Variants in HS3ST5 observed in about 807,000 individuals in gnomAD.
HS3ST5 encodes heparan sulfate glucosamine 3-O-sulfotransferase 5.
Under a neutral mutation model 25.4 loss-of-function variants are expected in HS3ST5, and 10 were observed. The ratio of observed to expected loss-of-function variants is 0.39; its 90% CI spans 0.24 to 0.67. The LOEUF (loss-of-function observed/expected upper bound fraction) is 0.67, where lower values mean the gene tolerates loss of function less well. Ranked by LOEUF, HS3ST5 falls within the 30% of genes least tolerant of loss-of-function variation. HS3ST5 has a pLI of 0.44. For synonymous variants in HS3ST5, 170 were observed against 162.4 expected (o/e 1.05, Z -0.36); for missense variants, 324 against 420.7 (o/e 0.77, Z 2.01).
chr6:114,169,514 A>G (rs143848991), intron 2 of HS3ST5, among the ~76,000 whole-genome samples: 19 of 152,238 alleles, frequency 1.2e-4, no homozygotes, highest in African/African-American at 4.6e-4. Context: ...GAGAGAGTAG[A>G]AAAAAACACA....
At chr6:114,125,976 A>G (rs1382199968) in intron 3 of HS3ST5, among the ~76,000 whole-genome samples, 1 of 152,190 alleles carries the variant, frequency 6.6e-6, no homozygotes, top group Non-Finnish European at 1.5e-5. Context: ...AAAAATACCT[A>G]TAGGAGGCCA....
At chr6:114,286,284 C>T (rs1774336802) in intron 1 of HS3ST5, among the ~76,000 whole-genome samples, 1 of 151,856 alleles carries the variant, frequency 6.6e-6, no homozygotes, top group South Asian at 2.1e-4. Context: ...TTCATATACT[C>T]TGGAATGGTG....
chr6:114,303,447 T>C (rs1478119677), intron 1 of HS3ST5, among the ~76,000 whole-genome samples: 1 of 136,692 alleles, frequency 7.3e-6, no homozygotes, highest in Non-Finnish European at 1.6e-5. Context: ...GCAAAATATA[T>C]CATACTGTGT....
At chr6:114,157,076 C>T (rs1778735105) in intron 3 of HS3ST5, among the ~76,000 whole-genome samples, 1 of 152,142 alleles carries the variant, frequency 6.6e-6, no homozygotes, top group African/African-American at 2.4e-5. Context: ...AATGCACTGT[C>T]TTCCACCCCT....
intron 3 of HS3ST5, among the ~76,000 whole-genome samples, chr6:114,137,817 G>A (rs1215060011): frequency 4.6e-5 from 7 of 152,042 alleles, no homozygotes; most frequent in Non-Finnish European, 8.8e-5. Flanking sequence ...GTCTCCTCTG[G>A]CATCCAACGC....
At chr6:114,134,172 C>G (rs1777482229) in intron 3 of HS3ST5, among the ~76,000 whole-genome samples, 2 of 152,188 alleles carry the variant, frequency 1.3e-5, no homozygotes. Flanking sequence ...ACACACAACA[C>G]TGACAGCAAA....
chr6:114,057,140 C>T lies in HS3ST5; in HGVS notation c.*117G>A, dbSNP rs1772815309. The T allele has an allele frequency of 6.6e-6, 5 of 758,940 alleles. No homozygotes were observed. The highest frequency in any genetic ancestry group is 1.1e-5 in the Non-Finnish European group (5 of 461,010). 47.0% of individuals were successfully genotyped at this position (758,940 alleles called of 1,614,324 possible). On this transcript the variant is annotated 3_prime_UTR_variant, in exon 5 of 5. Coordinates refer to ENST00000312719, the MANE Select transcript of HS3ST5 (RefSeq NM_153612.4). ...TATTTGGTCACACACTGCGTATGTA[C>T]AAATATACATGGAAAAATGACTTGG...
chr6:114,112,643 A>T (rs1246769462), intron 3 of HS3ST5, among the ~76,000 whole-genome samples: 1 of 152,140 alleles, frequency 6.6e-6, no homozygotes, highest in Non-Finnish European at 1.5e-5. Flanking sequence ...ATGCTAGTTG[A>T]CCTCACTTTA....
intron 1 of HS3ST5, among the ~76,000 whole-genome samples, chr6:114,319,291 T>G (rs1775871228): frequency 6.6e-6 from 1 of 152,156 alleles, no homozygotes; most frequent in Non-Finnish European, 1.5e-5. Flanking sequence ...ACTCCCCTCT[T>G]TTGGATTCAA....
At chr6:114,303,455 T>A (rs897593753) in intron 1 of HS3ST5, among the ~76,000 whole-genome samples, 1 of 125,638 alleles carries the variant, frequency 8.0e-6, no homozygotes, top group African/African-American at 3.3e-5. Flanking sequence ...TATCATACTG[T>A]GTTTGCATTT....
chr6:114,146,781 C>T (rs1427671988), intron 3 of HS3ST5, among the ~76,000 whole-genome samples: 1 of 152,156 alleles, frequency 6.6e-6, no homozygotes, highest in East Asian at 1.9e-4. Context: ...GGCACCTTCC[C>T]CCATTCCCTC....
intron 1 of HS3ST5, among the ~76,000 whole-genome samples, chr6:114,331,950 C>T (rs1426988546): frequency 2.6e-5 from 4 of 151,796 alleles, no homozygotes; most frequent in African/African-American, 9.7e-5. Context: ...AAGTCCTCTG[C>T]TTTGTAGAGA....
At chr6:114,123,041 C>T (rs545289673) in intron 3 of HS3ST5, among the ~76,000 whole-genome samples, 1 of 152,200 alleles carries the variant, frequency 6.6e-6, no homozygotes. Context: ...CAAACTCCAC[C>T]TCCTGGGTTC....
intron 2 of HS3ST5, among the ~76,000 whole-genome samples, chr6:114,219,790 A>C (rs1781943336): frequency 6.6e-6 from 1 of 152,176 alleles, no homozygotes. Context: ...AGAAGACTTT[A>C]ATTGAATGGT....
intron 3 of HS3ST5, among the ~76,000 whole-genome samples, chr6:114,130,050 G>A (rs139429517): frequency 6.6e-6 from 1 of 152,038 alleles, no homozygotes; most frequent in Admixed American, 6.5e-5. Flanking sequence ...ACAAACAAAG[G>A]TTCCATCTCA....
intron 3 of HS3ST5, among the ~76,000 whole-genome samples, chr6:114,093,960 T>G (rs1328018430): frequency 1.3e-5 from 2 of 152,152 alleles, no homozygotes; most frequent in Non-Finnish European, 2.9e-5. Flanking sequence ...TCAAAGCTGT[T>G]TATATATAAT....
intron 3 of HS3ST5, among the ~76,000 whole-genome samples, chr6:114,091,434 T>C (rs1775109377): frequency 6.6e-6 from 1 of 151,806 alleles, no homozygotes; most frequent in African/African-American, 2.4e-5. Context: ...TCCCAGCACT[T>C]TGGGAAGCCG....
chr6:114,311,539 CTT>C (rs11463610), intron 1 of HS3ST5, among the ~76,000 whole-genome samples: 1,108 of 84,848 alleles, frequency 0.013, 4 homozygotes, highest in African/African-American at 0.032. Context: ...TTCTCTCTCT[CTT>C]TTTTTTTTTT....
intron 1 of HS3ST5, among the ~76,000 whole-genome samples, chr6:114,335,743 T>C (rs1189440172): frequency 6.6e-6 from 1 of 151,880 alleles, no homozygotes; most frequent in Non-Finnish European, 1.5e-5. Flanking sequence ...CAACCTCCAT[T>C]TCCCGGGTTC....
Sources: gnomAD v4.1 joint callset for allele counts (sites outside exome capture counted in the v4.1 genomes callset) on GRCh38, gnomAD v4.1.1 for gene constraint, MANE v1.5 for transcripts, NCBI Gene and HGNC (gene_info 2026-07-23, HGNC 2026-07-21) for gene names.